Variants in ENAH observed in about 807,000 individuals in gnomAD.
The protein encoded by ENAH is protein enabled homolog.
A neutral mutation model predicts 78.7 loss-of-function variants in ENAH; 23 were observed. The observed-to-expected ratio is 0.29, with a 90% CI of 0.21 to 0.41. The LOEUF is 0.41. ENAH is among the 10% of genes least tolerant of loss of function. ENAH has a pLI of 1.00. For synonymous variants in ENAH, 226 were observed against 241.0 expected (o/e 0.94, Z 0.58); for missense variants, 544 against 691.0 (o/e 0.79, Z 2.39).
At position 225,494,995 on chromosome 1, in the gene ENAH, T is replaced by C. The variant is rs564218145; in HGVS notation, c.*2780A>G. On this transcript the variant is annotated 3_prime_UTR_variant, in exon 14 of 14. Coordinates refer to ENST00000366843, the MANE Select transcript of ENAH (RefSeq NM_018212.6). ...ATTAGTGTTTCATCTTCAGTTTTGA[T>C]TGACACTTGATGCTTGCAAATTTTT... The C allele has an allele frequency of 4.6e-5, 7 of 152,790 alleles. No individual in the cohort carries two copies. Among genetic ancestry groups the C allele is most frequent in the East Asian group, 1.9e-4 (1 of 5,190 alleles). The allele number at this position is 152,790 out of a possible 1,614,324, so 9.5% of individuals were successfully genotyped here.
intron 1 of ENAH, among the ~76,000 whole-genome samples, chr1:225,587,047 CT>C (rs2096851108): frequency 6.6e-6 from 1 of 152,232 alleles, no homozygotes; most frequent in African/African-American, 2.4e-5. Flanking sequence ...GTGATTTCCC[CT>C]AATGTGATAA....
chr1:225,511,521 T>C (rs2096376682), intron 10 of ENAH, among the ~76,000 whole-genome samples: 1 of 152,240 alleles, frequency 6.6e-6, no homozygotes. Flanking sequence ...CAGACTGTAG[T>C]ACTAACTAAC....
At chr1:225,525,691 C>G (rs2096498306) in intron 4 of ENAH, among the ~76,000 whole-genome samples, 1 of 152,162 alleles carries the variant, frequency 6.6e-6, no homozygotes, top group Admixed American at 6.5e-5. Flanking sequence ...GCTTTACTCC[C>G]TCATCTTAAC....
intron 1 of ENAH, among the ~76,000 whole-genome samples, chr1:225,572,723 G>A (rs1361246613): frequency 6.6e-6 from 1 of 152,198 alleles, no homozygotes; most frequent in Non-Finnish European, 1.5e-5. Flanking sequence ...TCAAGATTCT[G>A]AGTCAGTGAA....
chr1:225,567,555 C>T, intron 1 of ENAH, 141 bp from the exon 2 acceptor site: 1 of 788,086 alleles, frequency 1.3e-6, no homozygotes, highest in Non-Finnish European at 1.9e-6. Flanking sequence ...AAGACAGAGG[C>T]TTCCTGTCTT....
chr1:225,643,542 T>A (rs145794712), intron 1 of ENAH, among the ~76,000 whole-genome samples: 255 of 152,202 alleles, frequency 1.7e-3, no homozygotes, highest in Non-Finnish European at 2.7e-3. Flanking sequence ...ATGGAACAAA[T>A]CTAAAAGTCC....
chr1:225,569,912 A>G (rs527601181), intron 1 of ENAH, among the ~76,000 whole-genome samples: 18 of 152,158 alleles, frequency 1.2e-4, no homozygotes, highest in Non-Finnish European at 2.2e-4. Context: ...GCCCTAGAAG[A>G]TATCAGGCAC....
intron 3 of ENAH, among the ~76,000 whole-genome samples, chr1:225,532,110 G>C (rs961460685): frequency 1.3e-5 from 2 of 151,990 alleles, no homozygotes; most frequent in Non-Finnish European, 2.9e-5. Context: ...TTGCTGTCTA[G>C]TAAACAGACT....
intron 1 of ENAH, among the ~76,000 whole-genome samples, chr1:225,634,108 T>C (rs991862587): frequency 3.3e-5 from 5 of 152,206 alleles, no homozygotes; most frequent in Non-Finnish European, 7.3e-5. Context: ...AATTTATAAA[T>C]GAGCTTATGA....
Position 225,652,241 on chromosome 1 carries a change from TTTC to T in ENAH, c.5+442_5+444del, listed in dbSNP as rs1177104756. 8.9e-6 allele frequency: 7 copies of T among 786,088 alleles called. No homozygotes were observed. In the African/African-American group the frequency reaches 9.4e-5, roughly 11 times the overall value. 48.7% of individuals were successfully genotyped at this position (786,088 alleles called of 1,614,324 possible). A position where few individuals can be genotyped will look rare whatever the true frequency, so the allele number is the denominator to read the frequency against. ...GCAGAGATTTCAGACCTTTCAAACT[TTTC>T]TTCCTTTTTTAATTAAACACGAGAG... On this transcript the variant is annotated intron_variant, in intron 1 of 13. Transcript: ENST00000366843.
In ENAH at chr1:225,508,027, T is replaced by A; in HGVS notation, c.1472-10A>T. On this transcript the variant is annotated splice_polypyrimidine_tract_variant and intron_variant, in intron 10 of 13. Coordinates refer to ENST00000366843, the MANE Select transcript of ENAH (RefSeq NM_018212.6). Reference sequence around the variant, plus strand: ...GGTTTTCTTGTTGGTTCTTTAAAAATAAAAAACAAAAGCTATTAAATAAAT... The same window carrying A: ...GGTTTTCTTGTTGGTTCTTTAAAAAAAAAAAACAAAAGCTATTAAATAAAT... 6.6e-7 allele frequency: 1 copy of A among 1,525,628 alleles called. No homozygotes were observed. The highest frequency in any genetic ancestry group is 8.8e-7 in the Non-Finnish European group (1 of 1,140,728). The allele number at this position is 1,525,628 out of a possible 1,614,324, so 94.5% of individuals were successfully genotyped here.
chr1:225,530,553 CCTT>C lies in ENAH; in HGVS notation c.432_434del (p.Arg145del). ...GTACAAACAATAACTTGAAAATTTA[CCTT>C]CTTTGAATTTCCAATTCTTCTTGGG... On this transcript the variant is annotated inframe_deletion and splice_region_variant, in exon 4 of 14. Coordinates refer to ENST00000366843, the MANE Select transcript of ENAH (RefSeq NM_018212.6). The C allele has an allele frequency of 6.2e-7, 1 of 1,609,312 alleles. No individual in the cohort carries two copies. The highest frequency in any genetic ancestry group is 8.5e-7 in the Non-Finnish European group (1 of 1,175,948).
chr1:225,645,023 A>T (rs953944403), intron 1 of ENAH, among the ~76,000 whole-genome samples: 7 of 152,174 alleles, frequency 4.6e-5, no homozygotes, highest in Admixed American at 3.3e-4. Context: ...GCACGAAGAT[A>T]CAGCTCCAAA....
At chr1:225,607,970 C>A (rs1415688559) in intron 1 of ENAH, among the ~76,000 whole-genome samples, 1 of 151,650 alleles carries the variant, frequency 6.6e-6, no homozygotes, top group Non-Finnish European at 1.5e-5. Flanking sequence ...TAAGTCTGAA[C>A]AGATAGGCAA....
intron 1 of ENAH, among the ~76,000 whole-genome samples, chr1:225,577,427 A>AT (rs1193117087): frequency 6.6e-6 from 1 of 152,264 alleles, no homozygotes; most frequent in Admixed American, 6.5e-5. Flanking sequence ...GCAGATGCAA[A>AT]TAACGGCAGC....
intron 1 of ENAH, among the ~76,000 whole-genome samples, chr1:225,633,039 C>CT (rs3050270): frequency 0.078 from 11,082 of 141,780 alleles, 1,391 homozygotes; most frequent in African/African-American, 0.26. Context: ...CACTCAAAGT[C>CT]TTTTTTTTTT....
intron 3 of ENAH, among the ~76,000 whole-genome samples, chr1:225,549,508 A>C (rs759323393): frequency 2.0e-5 from 3 of 152,176 alleles, no homozygotes; most frequent in Non-Finnish European, 4.4e-5. Context: ...GTTGAGTTCT[A>C]AGACCTCGGT....
chr1:225,648,121 G>T (rs1219702007), intron 1 of ENAH, among the ~76,000 whole-genome samples: 2 of 152,108 alleles, frequency 1.3e-5, no homozygotes, highest in Non-Finnish European at 1.5e-5. Flanking sequence ...ATCTGAAGAA[G>T]CATCCACTGA....
chr1:225,499,225 G>A (rs923026509), intron 12 of ENAH, among the ~76,000 whole-genome samples: 2 of 151,568 alleles, frequency 1.3e-5, no homozygotes, highest in East Asian at 3.9e-4. Context: ...GGTGGCTCAC[G>A]CCACTGCACT....
Sources: allele counts gnomAD v4.1 joint callset (sites outside exome capture counted in the v4.1 genomes callset), GRCh38; gene constraint gnomAD v4.1.1; transcripts MANE v1.5; gene names NCBI Gene and HGNC (gene_info 2026-07-23, HGNC 2026-07-21).